Variants in PDE4C observed in about 807,000 individuals in gnomAD.
PDE4C encodes the protein 3',5'-cyclic-AMP phosphodiesterase 4C.
PDE4C carries 50 observed loss-of-function variants against 63.9 expected under a neutral mutation model. The ratio of observed to expected loss-of-function variants is 0.78; its 90% confidence interval spans 0.62 to 0.99. The LOEUF (loss-of-function observed/expected upper bound fraction) is 0.99, where lower values mean the gene tolerates loss of function less well. PDE4C is among the 50% of genes least tolerant of loss of function. PDE4C has a pLI of 0.00. For synonymous variants in PDE4C, 377 were observed against 385.1 expected, an observed-to-expected ratio of 0.98 and a Z score of 0.25; for missense variants, 777 against 899.1, an observed-to-expected ratio of 0.86 and a Z score of 1.74.
At chr19:18,252,494 G>A (rs1969242503), upstream of PDE4C, 4 of 389,324 alleles carry the variant, frequency 1.0e-5, no homozygotes, top group Admixed American at 1.3e-4. Context: ...ACTGGGCGCG[G>A]TGGCTCACGC....
the PDE4C span, among the ~76,000 whole-genome samples, chr19:18,253,561 A>C: frequency 1.8e-5 from 1 of 56,918 alleles, no homozygotes; most frequent in African/African-American, 8.0e-5. Flanking sequence ...AAAAAAAAAA[A>C]AAACACACAC....
chr19:18,222,176 G>C (rs1284725396), exon 2 of PDE4C: 2 of 1,613,940 alleles, frequency 1.2e-6, no homozygotes, highest in African/African-American at 1.3e-5. Context: ...CCTTGGGCGA[G>C]AGTTCATAGT....
chr19:18,222,316 G>C, exon 2 of PDE4C: 1 of 1,609,334 alleles, frequency 6.2e-7, no homozygotes, highest in African/African-American at 1.3e-5. Flanking sequence ...CCATTTTCCA[G>C]GTCAAAGCTG....
At position 18,220,284 on chromosome 19, in the gene PDE4C, C is replaced by T. The variant is rs986136716; in HGVS notation, c.648G>A (p.Leu216=). ...GGTTCCCGGAGCGGCTGGTTTCGGA[C>T]AGGTGGGTCAACTCCCGGTTCAGGA... The change falls in exon 7 of 15, where the codon CTG becomes CTA. Residue 216 remains leucine (L), a synonymous_variant. Transcript: ENST00000262805. The surrounding 1 kb of genome is among the most constrained non-coding windows in gnomAD (Gnocchi z 5.1). The T allele has an allele frequency of 6.2e-7, 1 of 1,614,124 alleles. No homozygotes were observed.
chr19:18,248,106 C>A, intron 1 of PDE4C: 1 of 453,704 alleles, frequency 2.2e-6, no homozygotes, highest in South Asian at 1.6e-5. Context: ...CAGCACCTCT[C>A]CTGAGACGCC....
chr19:18,250,372 C>G (rs1476988790), upstream of PDE4C: 2 of 399,048 alleles, frequency 5.0e-6, no homozygotes, highest in Admixed American at 4.4e-5. Context: ...ATCTCACAGC[C>G]ATGACCACAG....
intron 1 of PDE4C, among the ~76,000 whole-genome samples, chr19:18,246,851 C>T (rs1969143312): frequency 1.3e-5 from 2 of 152,134 alleles, no homozygotes; most frequent in Non-Finnish European, 1.5e-5. Context: ...CACTTAAACC[C>T]GGGAAGCAGA....
chr19:18,208,994 G>C (rs1967810563), downstream of PDE4C: 1 of 152,156 alleles, frequency 6.6e-6, no homozygotes, highest in Admixed American at 6.6e-5. Flanking sequence ...AGAAAGCAGG[G>C]GGCTCCTACA....
chr19:18,210,382 T>A (rs1392868730), downstream of PDE4C: 1 of 152,236 alleles, frequency 6.6e-6, no homozygotes, highest in Non-Finnish European at 1.5e-5. Context: ...CAAAACTGGG[T>A]ATGAGTGAAG....
chr19:18,237,793 A>G, upstream of PDE4C, among the ~76,000 whole-genome samples: 1 of 149,800 alleles, frequency 6.7e-6, no homozygotes, highest in East Asian at 2.0e-4. Flanking sequence ...GAATAGTGTG[A>G]ACCCGGGAGG....
chr19:18,220,833 C>T lies in PDE4C; in HGVS notation c.499+41G>A, dbSNP rs1600079361. 1 of 1,584,086 alleles carries T rather than the reference C, an allele frequency of 6.3e-7. No individual in the cohort carries two copies. Among genetic ancestry groups the T allele is most frequent in the Non-Finnish European group, 8.6e-7 (1 of 1,161,296 alleles). ...GAGGTCACTATGGAAAGGAAGCTCC[C>T]AGCTGTCCTCAGCGGGGGAGGGAAG... On this transcript the variant is annotated intron_variant, in intron 5 of 14. Coordinates refer to ENST00000262805, the Ensembl canonical transcript of PDE4C. The surrounding 1 kb of genome is among the most constrained non-coding windows in gnomAD (Gnocchi z 5.1).
intron 1 of PDE4C, among the ~76,000 whole-genome samples, chr19:18,241,457 C>CG (rs767300736): frequency 2.6e-5 from 4 of 151,658 alleles, no homozygotes; most frequent in Non-Finnish European, 4.4e-5. Context: ...TTAGTAGAGA[C>CG]GGGGTCTCAC....
chr19:18,224,476 G>A, intron 1 of PDE4C: 3 of 985,536 alleles, frequency 3.0e-6, no homozygotes, highest in Non-Finnish European at 2.4e-6. Flanking sequence ...GGTCTGAGTT[G>A]GGTCTGATCA....
intron 1 of PDE4C, among the ~76,000 whole-genome samples, chr19:18,222,652 G>GTTCT (rs1968537929): frequency 2.3e-5 from 1 of 43,498 alleles, no homozygotes; most frequent in East Asian, 6.4e-4. Context: ...TTTCTTTCTC[G>GTTCT]TTCTTTCTCT....
intron 1 of PDE4C, among the ~76,000 whole-genome samples, chr19:18,242,208 G>A (rs1453759159): frequency 6.6e-6 from 1 of 152,148 alleles, no homozygotes; most frequent in Non-Finnish European, 1.5e-5. Context: ...AGGCACTGTG[G>A]CTCACGCCTG....
intron 1 of PDE4C, among the ~76,000 whole-genome samples, chr19:18,239,754 G>A (rs543735120): frequency 2.6e-5 from 4 of 152,192 alleles, no homozygotes; most frequent in East Asian, 3.9e-4. Flanking sequence ...GGCCAGGCGC[G>A]GTGGCTCACG....
exon 15 of PDE4C, chr19:18,210,769 T>A: frequency 7.7e-7 from 1 of 1,296,190 alleles, no homozygotes. Flanking sequence ...TGCCTCCAAT[T>A]AGACCCTGGG....
chr19:18,247,834 C>T (rs140361698), intron 1 of PDE4C, among the ~76,000 whole-genome samples: 4 of 152,328 alleles, frequency 2.6e-5, no homozygotes, highest in Middle Eastern at 3.4e-3. Context: ...TCTGCACCCT[C>T]CCTTGAACCC....
At chr19:18,247,713 T>A (rs1398441947) in intron 1 of PDE4C, among the ~76,000 whole-genome samples, 1 of 152,094 alleles carries the variant, frequency 6.6e-6, no homozygotes, top group Admixed American at 6.5e-5. Flanking sequence ...CTGTGCCTCA[T>A]GCTGCTGGCA....
Sources: gnomAD v4.1 joint callset for allele counts (sites outside exome capture counted in the v4.1 genomes callset) on GRCh38, gnomAD v4.1.1 for gene constraint, Gnocchi (gnomAD v3.1) non-coding constraint, MANE v1.5 for transcripts, NCBI Gene and HGNC (gene_info 2026-07-23, HGNC 2026-07-21) for gene names.